Variants in DNMT1 observed in about 807,000 individuals in gnomAD.
The protein encoded by DNMT1 is DNA methyltransferase 1.
Under a neutral mutation model 205.3 loss-of-function variants are expected in DNMT1, and 24 were observed. That is an observed-to-expected ratio of 0.12 (90% confidence interval 0.08 to 0.16). The LOEUF is 0.16. DNMT1 is among the 10% of genes least tolerant of loss of function. The probability of loss-of-function intolerance (pLI) is 1.00; values close to 1 mark genes in which losing one functional copy is unlikely to be tolerated. For missense variants in DNMT1, 1,293 were observed against 2,177.7 expected (o/e 0.59, Z 8.09); for synonymous variants, 817 against 839.8 (o/e 0.97, Z 0.47).
At chr19:10,183,352 C>T (rs1338280770) in intron 1 of DNMT1, among the ~76,000 whole-genome samples, 4 of 151,578 alleles carry the variant, frequency 2.6e-5, no homozygotes, top group African/African-American at 7.3e-5. Context: ...CGACCTCAGG[C>T]GATCCACCTG....
chr19:10,194,791 G>A (rs1423074230), intron 1 of DNMT1, 29 bp downstream of exon 1: 16 of 1,607,342 alleles, frequency 1.0e-5, no homozygotes, highest in Non-Finnish European at 1.4e-5. Context: ...CTGTCCCCCT[G>A]AGTCCGTGTT....
intron 1 of DNMT1, among the ~76,000 whole-genome samples, chr19:10,182,381 A>T (rs1480581059): frequency 6.9e-6 from 1 of 144,008 alleles, no homozygotes; most frequent in African/African-American, 2.6e-5. Flanking sequence ...GTGTATATAT[A>T]TACATATATA....
Position 10,143,851 on chromosome 19 carries a change from G to T in DNMT1, c.3031C>A (p.Arg1011=). ...LDAPEPYRIG[R]IKEIFCPKKS... is the part of the protein sequence containing the mutation. ...TTGGGACAGAAGATCTCTTTGATCC[G>T]GCCAATTCGGTAGGGCTCAGGGGCA... The change falls in exon 29 of 41, where the codon CGG becomes AGG. Residue 1011 remains arginine (R), a synonymous_variant. Transcript: ENST00000359526. The T allele has an allele frequency of 6.2e-7, 1 of 1,614,112 alleles. No homozygotes were observed. Among genetic ancestry groups the T allele is most frequent in the Non-Finnish European group, 8.5e-7 (1 of 1,180,038 alleles).
In DNMT1 at chr19:10,140,565, T is replaced by C; in HGVS notation, c.3523+216A>G. The C allele has an allele frequency of 1.1e-6, 1 of 934,006 alleles. No individual in the cohort carries two copies. Among genetic ancestry groups the C allele is most frequent in the Non-Finnish European group, 1.6e-6 (1 of 622,574 alleles). The allele number at this position is 934,006 out of a possible 1,614,324, so 57.9% of individuals were successfully genotyped here. On this transcript the variant is annotated intron_variant, in intron 32 of 40. Coordinates refer to ENST00000359526, the MANE Select transcript of DNMT1 (RefSeq NM_001130823.3). This position sits in a 1 kb window ranked among gnomAD's most constrained non-coding sequence, Gnocchi z 8.4. Reference sequence around the variant, plus strand: ...TTGTATTCTTATTAGAGACGGGGTTTCACCATGTTGGCCAGGATGGTCTCA... The same window carrying C: ...TTGTATTCTTATTAGAGACGGGGTTCCACCATGTTGGCCAGGATGGTCTCA...
At chr19:10,182,019 A>C in intron 2 of DNMT1, 22 bp downstream of exon 2, 1 of 1,609,976 alleles carries the variant, frequency 6.2e-7, no homozygotes, top group Non-Finnish European at 8.5e-7. Context: ...GGTAATAAGA[A>C]AAATTTTAAG....
Position 10,146,251 on chromosome 19 carries a change from G to T in DNMT1, c.2894+100C>A. 7.0e-7 allele frequency: 1 copy of T among 1,422,852 alleles called. No homozygotes were observed. The highest frequency in any genetic ancestry group is 1.3e-5 in the South Asian group (1 of 79,676). 88.1% of individuals were successfully genotyped at this position (1,422,852 alleles called of 1,614,324 possible). A position where few individuals can be genotyped will look rare whatever the true frequency, so the allele number is the denominator to read the frequency against. ...CGTGACGGCTAGGACAACAGCTGGT[G>T]CGGAGGGATTGGCAATGTCTGTAAG... On this transcript the variant is annotated intron_variant, in intron 28 of 40. Transcript: ENST00000359526. This position sits in a 1 kb window ranked among gnomAD's most constrained non-coding sequence, Gnocchi z 4.4.
rs772728969 is a variant in DNMT1 at position 10,154,154 on chromosome 19, C to T, written c.2019+139G>A. On this transcript the variant is annotated intron_variant, in intron 22 of 40. Coordinates refer to ENST00000359526, the MANE Select transcript of DNMT1 (RefSeq NM_001130823.3). This position sits in a 1 kb window ranked among gnomAD's most constrained non-coding sequence, Gnocchi z 6.3. ...TGAAGTATGCAGGGTCCTCCCAGAC[C>T]ACTAACTAATTTCTGTCTCAGGGGT... The T allele has an allele frequency of 6.0e-5, 54 of 896,744 alleles. No homozygotes were observed. The highest frequency in any genetic ancestry group is 8.9e-5 in the Non-Finnish European group (49 of 547,946). The allele number at this position is 896,744 out of a possible 1,614,324, so 55.5% of individuals were successfully genotyped here.
At chr19:10,150,775 G>A (rs1313939290) in intron 24 of DNMT1, among the ~76,000 whole-genome samples, 2 of 152,134 alleles carry the variant, frequency 1.3e-5, no homozygotes, top group Non-Finnish European at 2.9e-5. Context: ...ACACCAGAGG[G>A]GGCTGTGACA....
chr19:10,135,695 C>T (rs770101255), intron 39 of DNMT1, 41 bp downstream of exon 39: 11 of 1,588,442 alleles, frequency 6.9e-6, no homozygotes, highest in Admixed American at 1.7e-5. Context: ...GGCACAGAAG[C>T]CTCCTTCCTG....
rs148860408 is a variant in DNMT1 at position 10,175,509 on chromosome 19, TAG to T, written c.648+29_648+30del. ...AATCATCAAATACACCAAGTTAAGG[TAG>T]AGTCAGGAAATGAAAGCACTGGCCC... On this transcript the variant is annotated intron_variant, in intron 7 of 40. Transcript: ENST00000359526. The T allele has an allele frequency of 1.9e-3, 2,991 of 1,612,226 alleles. 29 individuals are homozygous for T. In the African/African-American group the frequency reaches 0.03, roughly 16 times the overall value.
chr19:10,158,815 C>T (rs1016930646), intron 17 of DNMT1, among the ~76,000 whole-genome samples: 9 of 152,342 alleles, frequency 5.9e-5, no homozygotes, highest in South Asian at 2.1e-4. Flanking sequence ...CAGGCCCCTC[C>T]GAGCCCTGGT....
intron 1 of DNMT1, among the ~76,000 whole-genome samples, chr19:10,186,023 A>G (rs1485318563): frequency 6.6e-6 from 1 of 152,030 alleles, no homozygotes; most frequent in Non-Finnish European, 1.5e-5. Context: ...TAATAGCGTT[A>G]CACTTGACTT....
intron 1 of DNMT1, among the ~76,000 whole-genome samples, chr19:10,192,791 A>C (rs2039326961): frequency 1.3e-5 from 2 of 152,108 alleles, no homozygotes; most frequent in Middle Eastern, 3.4e-3. Flanking sequence ...TGGTTTGACT[A>C]TAATCCCAGC....
chr19:10,170,068 T>TGA (rs1289610941), intron 9 of DNMT1, among the ~76,000 whole-genome samples: 4 of 152,080 alleles, frequency 2.6e-5, no homozygotes, highest in Admixed American at 2.6e-4. Flanking sequence ...GTGGATCACC[T>TGA]GAGGTCAGGA....
intron 5 of DNMT1, among the ~76,000 whole-genome samples, chr19:10,178,976 A>C (rs1166215483): frequency 6.8e-6 from 1 of 146,642 alleles, no homozygotes; most frequent in Non-Finnish European, 1.5e-5. Context: ...AAATACAAAA[A>C]AAATTAGCCG....
At chr19:10,185,326 G>A (rs2039157238) in intron 1 of DNMT1, among the ~76,000 whole-genome samples, 1 of 151,838 alleles carries the variant, frequency 6.6e-6, no homozygotes, top group African/African-American at 2.4e-5. Context: ...TCAGGAGGCT[G>A]AGGCAGAAGA....
At chr19:10,183,085 A>G (rs1008084434) in intron 1 of DNMT1, among the ~76,000 whole-genome samples, 1 of 145,052 alleles carries the variant, frequency 6.9e-6, no homozygotes, top group Non-Finnish European at 1.5e-5. Flanking sequence ...GTGTGTGTAT[A>G]TATATATACA....
chr19:10,184,342 GAAGT>G (rs917604005), intron 1 of DNMT1: 1 of 152,188 alleles, frequency 6.6e-6, no homozygotes, highest in African/African-American at 2.4e-5. Flanking sequence ...AGATAGAGGT[GAAGT>G]TAGAGGAGGT....
chr19:10,141,286 C>A, intron 30 of DNMT1, 97 bp from the exon 31 acceptor site: 1 of 1,287,604 alleles, frequency 7.8e-7, no homozygotes, highest in Non-Finnish European at 1.1e-6. Flanking sequence ...CACTTAATTT[C>A]TCCCTCAGTG....
Sources: gnomAD v4.1 joint callset for allele counts (sites outside exome capture counted in the v4.1 genomes callset) on GRCh38, gnomAD v4.1.1 for gene constraint, Gnocchi (gnomAD v3.1) non-coding constraint, MANE v1.5 for transcripts, NCBI Gene and HGNC (gene_info 2026-07-23, HGNC 2026-07-21) for gene names.